Variants in DLG2 observed in about 807,000 individuals in gnomAD.
DLG2 encodes the protein disks large homolog 2.
DLG2 carries 45 observed loss-of-function variants against 132.5 expected under a neutral mutation model. The ratio of observed to expected loss-of-function variants is 0.34; its 90% CI spans 0.27 to 0.44. The LOEUF (loss-of-function observed/expected upper bound fraction) is 0.44, where lower values mean the gene tolerates loss of function less well. Ranked by LOEUF, DLG2 falls within the 20% of genes least tolerant of loss-of-function variation. DLG2 has a pLI of 1.00. For synonymous variants in DLG2, 424 were observed against 419.6 expected (o/e 1.01, Z -0.13); for missense variants, 1,045 against 1,196.9 (o/e 0.87, Z 1.87).
intron 6 of DLG2, among the ~76,000 whole-genome samples, chr11:84,921,060 G>A (rs1267876861): frequency 1.3e-5 from 2 of 151,762 alleles, no homozygotes; most frequent in African/African-American, 4.8e-5. Context: ...TGTAACAATA[G>A]AAATAAAAGC....
At chr11:83,735,152 G>A (rs1460666596) in intron 18 of DLG2, among the ~76,000 whole-genome samples, 3 of 152,066 alleles carry the variant, frequency 2.0e-5, no homozygotes, top group Admixed American at 1.3e-4. Flanking sequence ...TAGGATGGAA[G>A]GTGAGGGCAT....
intron 6 of DLG2, among the ~76,000 whole-genome samples, chr11:85,094,181 T>C (rs1384906074): frequency 6.6e-6 from 1 of 152,230 alleles, no homozygotes; most frequent in East Asian, 1.9e-4. Context: ...CATGCTGTCA[T>C]CCAGGCTTTG....
intron 6 of DLG2, among the ~76,000 whole-genome samples, chr11:85,109,958 A>C (rs2072439148): frequency 6.6e-6 from 1 of 152,104 alleles, no homozygotes; most frequent in South Asian, 2.1e-4. Context: ...TAATTTATTA[A>C]AACTTACTAA....
At chr11:83,891,534 C>T (rs140715495) in intron 15 of DLG2, among the ~76,000 whole-genome samples, 2 of 152,148 alleles carry the variant, frequency 1.3e-5, no homozygotes, top group Non-Finnish European at 2.9e-5. Flanking sequence ...TCATGATCCT[C>T]AGGTTTATAA....
At chr11:83,983,254 C>A (rs1461168209) in intron 11 of DLG2, among the ~76,000 whole-genome samples, 1 of 152,036 alleles carries the variant, frequency 6.6e-6, no homozygotes, top group Non-Finnish European at 1.5e-5. Context: ...ATTTTACAAT[C>A]ATAAGATAAT....
chr11:85,499,354 G>T (rs938447757), intron 3 of DLG2, among the ~76,000 whole-genome samples: 13 of 152,096 alleles, frequency 8.5e-5, no homozygotes, highest in Non-Finnish European at 1.5e-4. Flanking sequence ...AGAAGAAATG[G>T]ATAAATTCAT....
intron 15 of DLG2, among the ~76,000 whole-genome samples, chr11:83,894,462 A>G (rs1206083791): frequency 6.6e-6 from 1 of 152,258 alleles, no homozygotes; most frequent in Admixed American, 6.5e-5. Context: ...TTTTTTAAAG[A>G]TTTTGTTTGC....
chr11:84,797,211 T>C (rs895647589), intron 6 of DLG2, among the ~76,000 whole-genome samples: 1 of 152,184 alleles, frequency 6.6e-6, no homozygotes, highest in Non-Finnish European at 1.5e-5. Context: ...GGTAGTCTTC[T>C]TTGGGTTAAA....
In DLG2 at chr11:84,464,005, C is replaced by T. The variant is rs569986291; in HGVS notation, c.519+70565G>A. ...TAGCAATTATGTATACAGCAACATA[C>T]ATCAAATATGCAAAATTTCAATCTA... On this transcript the variant is annotated intron_variant, in intron 7 of 27. Transcript: ENST00000376104. Among the ~76,000 whole-genome samples, 144 of 151,316 alleles carry T rather than the reference C, an allele frequency of 9.5e-4. 1 individual carries two copies. The highest frequency in any genetic ancestry group is 3.3e-3 in the African/African-American group (136 of 41,386).
At chr11:83,918,691 A>C (rs1383131230) in intron 15 of DLG2, among the ~76,000 whole-genome samples, 3 of 152,128 alleles carry the variant, frequency 2.0e-5, no homozygotes, top group African/African-American at 7.2e-5. Context: ...GGAAGATAGA[A>C]AGTGAAGTAA....
At chr11:84,912,399 G>C (rs1591159246) in intron 6 of DLG2, among the ~76,000 whole-genome samples, 1 of 152,190 alleles carries the variant, frequency 6.6e-6, no homozygotes, top group Admixed American at 6.5e-5. Context: ...CTTGTGATCC[G>C]CCCGCCTGGG....
At chr11:85,156,650 A>G (rs539887336) in intron 4 of DLG2, among the ~76,000 whole-genome samples, 1 of 152,324 alleles carries the variant, frequency 6.6e-6, no homozygotes, top group East Asian at 1.9e-4. Context: ...TCCTCTGATG[A>G]GACCCACTGG....
At chr11:84,071,139 C>T (rs567750456) in intron 10 of DLG2, among the ~76,000 whole-genome samples, 1 of 152,198 alleles carries the variant, frequency 6.6e-6, no homozygotes, top group Non-Finnish European at 1.5e-5. Context: ...GTTGCCCCAG[C>T]TGTAGTGCAG....
Position 85,574,954 on chromosome 11 carries a change from A to T in DLG2, c.40+23703T>A, listed in dbSNP as rs144266067. Among the ~76,000 whole-genome samples, 385 of 152,050 alleles carry T rather than the reference A, an allele frequency of 2.5e-3. 3 individuals carry two copies. Among genetic ancestry groups the T allele is most frequent in the African/African-American group, 8.6e-3 (357 of 41,476 alleles). ...GAATCTAACCACTCTCACTATTCCC[A>T]CTTCTCCCACACCCTAATCTAAACC... On this transcript the variant is annotated intron_variant, in intron 3 of 27. Coordinates refer to ENST00000376104, the MANE Select transcript of DLG2 (RefSeq NM_001142699.3).
chr11:83,675,371 CTTAT>C (rs1380026115), intron 18 of DLG2, among the ~76,000 whole-genome samples: 4 of 152,176 alleles, frequency 2.6e-5, no homozygotes, highest in African/African-American at 4.8e-5. Context: ...AAAATATATT[CTTAT>C]TTGTCTTATC....
intron 4 of DLG2, among the ~76,000 whole-genome samples, chr11:85,180,722 A>AGAT (rs1292038666): frequency 6.6e-6 from 1 of 151,856 alleles, no homozygotes; most frequent in Non-Finnish European, 1.5e-5. Flanking sequence ...GTACTTATGG[A>AGAT]GATTGCCACC....
chr11:85,626,208 T>C (rs1039373297), intron 2 of DLG2, among the ~76,000 whole-genome samples: 1 of 152,256 alleles, frequency 6.6e-6, no homozygotes, highest in African/African-American at 2.4e-5. Context: ...CACAATTCTG[T>C]AATTAGTTTG....
In DLG2 at chr11:83,638,284, T is replaced by C. The variant is rs142301654; in HGVS notation, c.1826-4959A>G. 4.2e-3 allele frequency among the ~76,000 whole-genome samples: 641 copies of C among 152,306 alleles called. 2 individuals are homozygous for C. Among genetic ancestry groups the C allele is most frequent in the Middle Eastern group, 0.027 (8 of 294 alleles). On this transcript the variant is annotated intron_variant, in intron 18 of 27. Coordinates refer to ENST00000376104, the MANE Select transcript of DLG2 (RefSeq NM_001142699.3). ...TTCACTTGAACAAGATGGATGATAA[T>C]AGTAAAAAGTGTACAAGATTTGGGT...
At chr11:85,130,054 TG>T (rs1028093971) in intron 5 of DLG2, among the ~76,000 whole-genome samples, 4 of 151,882 alleles carry the variant, frequency 2.6e-5, no homozygotes, top group African/African-American at 9.7e-5. Flanking sequence ...CGGGGCCTTT[TG>T]AGGGGTGGGG....
Sources: allele counts gnomAD v4.1 joint callset (sites outside exome capture counted in the v4.1 genomes callset), GRCh38; gene constraint gnomAD v4.1.1; transcripts MANE v1.5; gene names NCBI Gene and HGNC (gene_info 2026-07-23, HGNC 2026-07-21).